Variants in CPT1A observed in about 807,000 individuals in gnomAD.
The protein encoded by CPT1A is carnitine O-palmitoyltransferase 1, liver isoform.
A neutral mutation model predicts 100.8 loss-of-function variants in CPT1A; 64 were observed. The observed-to-expected ratio is 0.63, with a 90% CI of 0.52 to 0.78. The LOEUF is 0.78. Ranked by LOEUF, CPT1A falls within the 30% of genes least tolerant of loss-of-function variation. The pLI is 0.00. For synonymous variants in CPT1A, 363 were observed against 396.0 expected, an observed-to-expected ratio of 0.92 and a Z score of 0.99; for missense variants, 802 against 1,034.1, an observed-to-expected ratio of 0.78 and a Z score of 3.08.
intron 11 of CPT1A, among the ~76,000 whole-genome samples, chr11:68,781,220 C>A (rs1855303574): frequency 6.6e-6 from 1 of 152,216 alleles, no homozygotes; most frequent in African/African-American, 2.4e-5. Context: ...GGCAGCCCTG[C>A]ATCTCATGAG....
At chr11:68,827,538 AGTTT>A (rs533104503) in intron 1 of CPT1A, among the ~76,000 whole-genome samples, 78 of 76,088 alleles carry the variant, frequency 1.0e-3, no homozygotes, top group African/African-American at 3.9e-3. Context: ...CACCCCCACC[AGTTT>A]GTTTGTTTAT....
chr11:68,772,278 G>A (rs547268218), intron 14 of CPT1A, among the ~76,000 whole-genome samples: 3 of 152,252 alleles, frequency 2.0e-5, no homozygotes, highest in East Asian at 1.9e-4. Flanking sequence ...GCTTGAACCC[G>A]GGAGGTGGAG....
chr11:68,799,615 C>G (rs1855849561), intron 5 of CPT1A, among the ~76,000 whole-genome samples: 1 of 151,984 alleles, frequency 6.6e-6, no homozygotes, highest in Admixed American at 6.6e-5. Flanking sequence ...ATTAGCTGGA[C>G]ATGGTGGTGC....
At chr11:68,776,538 C>A (rs1855145289) in intron 12 of CPT1A, among the ~76,000 whole-genome samples, 1 of 152,072 alleles carries the variant, frequency 6.6e-6, no homozygotes, top group African/African-American at 2.4e-5. Context: ...TCATCAGGAA[C>A]CTGGGGGAGA....
chr11:68,834,798 G>A (rs1256325921), intron 1 of CPT1A, among the ~76,000 whole-genome samples: 1 of 151,566 alleles, frequency 6.6e-6, no homozygotes, highest in African/African-American at 2.4e-5. Context: ...TCAGGAGTTT[G>A]AGACCAGCCT....
chr11:68,816,585 C>T (rs1594364410), intron 1 of CPT1A, among the ~76,000 whole-genome samples: 1 of 152,228 alleles, frequency 6.6e-6, no homozygotes, highest in Non-Finnish European at 1.5e-5. Flanking sequence ...CCGCTCAGCA[C>T]AACACAGCCC....
rs181174447 is a variant in CPT1A, at chr11:68,759,082, T to C, written c.2235+487A>G. Among the ~76,000 whole-genome samples the C allele has an allele frequency of 1.6e-4, 24 of 151,884 alleles. No homozygotes were observed. The East Asian group carries it at 3.9e-3, about 25-fold the overall frequency. On this transcript the variant is annotated intron_variant, in intron 18 of 18. Coordinates refer to ENST00000265641, the MANE Select transcript of CPT1A (RefSeq NM_001876.4). ...GGGAAATGTGGGGAGACCCTGTCTG[T>C]ACAAACAATTTTTTAATTAAAAAAA...
At chr11:68,783,482 C>T (rs1042641385) in intron 10 of CPT1A, among the ~76,000 whole-genome samples, 6 of 152,202 alleles carry the variant, frequency 3.9e-5, no homozygotes, top group Middle Eastern at 3.2e-3. Flanking sequence ...CTCCCACCCT[C>T]TGCAAGACAC....
chr11:68,839,139 C>G (rs1366698759), intron 1 of CPT1A, among the ~76,000 whole-genome samples: 2 of 152,184 alleles, frequency 1.3e-5, no homozygotes, highest in Non-Finnish European at 2.9e-5. Context: ...CAATAATAAC[C>G]ATGCAGAGTG....
chr11:68,764,427 C>G (rs1243108266), intron 14 of CPT1A, among the ~76,000 whole-genome samples: 1 of 152,190 alleles, frequency 6.6e-6, no homozygotes. Context: ...TCAAATGAAC[C>G]CAGAAGAGGG....
At chr11:68,758,104 C>CA (rs747054590) in intron 18 of CPT1A, among the ~76,000 whole-genome samples, 1 of 152,046 alleles carries the variant, frequency 6.6e-6, no homozygotes, top group African/African-American at 2.4e-5. Flanking sequence ...CACATTTCTA[C>CA]AAAAAATACA....
At chr11:68,760,183 C>T (rs1946776400) in intron 17 of CPT1A, 42 bp downstream of exon 17, 1 of 1,416,416 alleles carries the variant, frequency 7.1e-7, no homozygotes, top group Admixed American at 1.9e-5. Flanking sequence ...CCCATCCCAT[C>T]ACCACGCCCC....
Position 68,812,571 on chromosome 11 carries a change from G to T in CPT1A, c.147C>A (p.Gly49=), listed in dbSNP as rs138011017. 6.2e-7 allele frequency: 1 copy of T among 1,614,174 alleles called. No homozygotes were observed. The highest frequency in any genetic ancestry group is 8.5e-7 in the Non-Finnish European group (1 of 1,180,024). The change falls in exon 3 of 19, where the codon GGC becomes GGA. Residue 49 remains glycine (G), a synonymous_variant. Coordinates refer to ENST00000265641, the MANE Select transcript of CPT1A (RefSeq NM_001876.4). ...WKKKFIRFKN[G]IITGVYPASP... The stretch of plus-strand genomic sequence containing the variant: ...TTGCCGGGTACACGCCAGTGATGAT[G>T]CCGTTCTAAAGACAGACACCCGGGC...
At chr11:68,838,483 G>A (rs1369183177) in intron 1 of CPT1A, among the ~76,000 whole-genome samples, 2 of 145,572 alleles carry the variant, frequency 1.4e-5, no homozygotes, top group Non-Finnish European at 3.0e-5. Flanking sequence ...AACATATCCT[G>A]TACATGTCGT....
At chr11:68,810,307 G>A (rs1246414681) in intron 3 of CPT1A, among the ~76,000 whole-genome samples, 2 of 152,222 alleles carry the variant, frequency 1.3e-5, no homozygotes, top group African/African-American at 2.4e-5. Context: ...TCAAGGAAGA[G>A]AGCAGCCAGG....
chr11:68,805,681 G>A (rs1295178254), intron 4 of CPT1A, among the ~76,000 whole-genome samples: 2 of 152,178 alleles, frequency 1.3e-5, no homozygotes, highest in African/African-American at 2.4e-5. Flanking sequence ...CGTATACACC[G>A]GCAGACCCAC....
chr11:68,796,153 C>T (rs1441582908), intron 7 of CPT1A, among the ~76,000 whole-genome samples: 1 of 152,120 alleles, frequency 6.6e-6, no homozygotes, highest in Non-Finnish European at 1.5e-5. Flanking sequence ...TAGGGTGAAG[C>T]GCAGCGCACT....
chr11:68,818,466 A>G (rs1856491996), intron 1 of CPT1A: 1 of 152,274 alleles, frequency 6.6e-6, no homozygotes, highest in African/African-American at 2.4e-5. Context: ...ATCAGCACAG[A>G]ACCTGCCAGC....
downstream of CPT1A, chr11:68,754,791 A>G (rs757818956): frequency 1.2e-5 from 9 of 780,972 alleles, no homozygotes; most frequent in South Asian, 1.1e-4. Context: ...CCTTGTTTCC[A>G]TATGCTGAGA....
Sources: allele counts gnomAD v4.1 joint callset (sites outside exome capture counted in the v4.1 genomes callset), GRCh38; gene constraint gnomAD v4.1.1; transcripts MANE v1.5; gene names NCBI Gene and HGNC (gene_info 2026-07-23, HGNC 2026-07-21).